The following TUSC3 variants were observed in gnomAD, a reference collection of about 807,000 sequenced individuals.
TUSC3 encodes tumor suppressor candidate 3.
In TUSC3, 45 loss-of-function variants were observed where a neutral mutation model predicts 44.8. The observed-to-expected ratio is 1.00, with a 90% CI of 0.79 to 1.29. The LOEUF (loss-of-function observed/expected upper bound fraction) is 1.29. TUSC3 is among the 50% of genes most tolerant of loss of function. TUSC3 has a pLI of 0.00. For missense variants in TUSC3, 519 were observed against 437.9 expected (o/e 1.19, Z -1.65); for synonymous variants, 212 against 152.9 (o/e 1.39, Z -2.85).
intron 1 of TUSC3, among the ~76,000 whole-genome samples, chr8:15,417,750 T>C (rs1790946989): frequency 1.3e-5 from 2 of 152,222 alleles, no homozygotes; most frequent in Non-Finnish European, 2.9e-5. Context: ...TAGGATATTC[T>C]GTGGCTAGCC....
chr8:15,738,823 CTTGCT>C (rs1811047022), intron 7 of TUSC3, among the ~76,000 whole-genome samples: 4 of 95,698 alleles, frequency 4.2e-5, no homozygotes, highest in African/African-American at 1.8e-4. Flanking sequence ...ATTAATATAT[CTTGCT>C]TTTTTTTTTT....
At chr8:15,743,666 T>A in intron 8 of TUSC3, 54 bp downstream of exon 8, 1 of 1,568,966 alleles carries the variant, frequency 6.4e-7, no homozygotes, top group Non-Finnish European at 8.8e-7. Flanking sequence ...AAGATTCATT[T>A]AAGTCAAATG....
intron 1 of TUSC3, among the ~76,000 whole-genome samples, chr8:15,437,916 A>G (rs1799970790): frequency 6.6e-6 from 1 of 152,206 alleles, no homozygotes; most frequent in African/African-American, 2.4e-5. Context: ...CTCCAACTTG[A>G]AAACATTATC....
intron 6 of TUSC3, among the ~76,000 whole-genome samples, chr8:15,700,780 C>T (rs1204997741): frequency 6.7e-6 from 1 of 149,018 alleles, no homozygotes; most frequent in Non-Finnish European, 1.5e-5. Flanking sequence ...ATGTCTCTTT[C>T]AGTGTTTGTC....
chr8:15,643,680 G>T lies in TUSC3; in HGVS notation c.309-7017G>T, dbSNP rs549680053. ...ATTCAGTCAATTACAATATGGTAGT[G>T]AACTGTTGATTTCTCAGCTCTTCAG... On this transcript the variant is annotated intron_variant, in intron 2 of 10. Transcript: ENST00000503731. 1.4e-4 allele frequency among the ~76,000 whole-genome samples: 21 copies of T among 152,220 alleles called. No individual in the cohort carries two copies. In the South Asian group the frequency reaches 1.7e-3, roughly 12 times the overall value.
intron 2 of TUSC3, among the ~76,000 whole-genome samples, chr8:15,505,404 T>C (rs1801038991): frequency 6.6e-6 from 1 of 152,278 alleles, no homozygotes; most frequent in South Asian, 2.1e-4. Flanking sequence ...GTACTATGTC[T>C]ATTCCTTTTT....
At chr8:15,473,627 C>G (rs551089895) in intron 1 of TUSC3, among the ~76,000 whole-genome samples, 26 of 152,278 alleles carry the variant, frequency 1.7e-4, no homozygotes, top group African/African-American at 5.8e-4. Flanking sequence ...GGGGTGACAT[C>G]ATATATCGGC....
intron 1 of TUSC3, among the ~76,000 whole-genome samples, chr8:15,481,550 G>T (rs889444068): frequency 1.3e-5 from 2 of 152,116 alleles, no homozygotes; most frequent in Non-Finnish European, 2.9e-5. Context: ...GCATTCCACA[G>T]AGGTATTGCA....
intron 2 of TUSC3, among the ~76,000 whole-genome samples, chr8:15,523,688 G>GTATATATATATATATATA (rs1296439729): frequency 1.2e-4 from 6 of 50,078 alleles, no homozygotes; most frequent in Non-Finnish European, 1.6e-4. Context: ...GTGTGTGTGT[G>GTATATATATATATATATA]TGTGTGTGTG....
chr8:15,847,871 A>G, the TUSC3 span, among the ~76,000 whole-genome samples: 9 of 152,136 alleles, frequency 5.9e-5, no homozygotes, highest in Non-Finnish European at 1.3e-4. Context: ...AATAAGCCTT[A>G]ATTTTTTTTA....
intron 2 of TUSC3, among the ~76,000 whole-genome samples, chr8:15,640,880 C>A (rs1352250941): frequency 6.6e-6 from 1 of 152,006 alleles, no homozygotes; most frequent in African/African-American, 2.4e-5. Context: ...CCTGGTTTTT[C>A]CTGTTAATCT....
chr8:15,481,576 C>T (rs995831462), intron 1 of TUSC3, among the ~76,000 whole-genome samples: 1 of 152,006 alleles, frequency 6.6e-6, no homozygotes, highest in South Asian at 2.1e-4. Flanking sequence ...TGTTCCAGAC[C>T]ACCGCAATAA....
chr8:15,692,796 G>A (rs1471947565), intron 6 of TUSC3, among the ~76,000 whole-genome samples: 2 of 151,944 alleles, frequency 1.3e-5, no homozygotes, highest in Non-Finnish European at 1.5e-5. Context: ...CTATTGGACT[G>A]TGTGGTTATG....
chr8:15,494,635 A>G (rs1157674264), intron 2 of TUSC3, among the ~76,000 whole-genome samples: 2 of 152,124 alleles, frequency 1.3e-5, no homozygotes, highest in African/African-American at 4.8e-5. Flanking sequence ...TCTTATCAAG[A>G]TTTCCAGCAC....
intron 7 of TUSC3, chr8:15,733,353 T>TTG (rs1364989728): frequency 2.5e-6 from 1 of 395,728 alleles, no homozygotes; most frequent in East Asian, 8.0e-5. Flanking sequence ...TTCTTTTTGT[T>TTG]TTTTTTTTTT....
At chr8:15,469,608 A>G (rs1800458073) in intron 1 of TUSC3, among the ~76,000 whole-genome samples, 1 of 152,202 alleles carries the variant, frequency 6.6e-6, no homozygotes, top group Non-Finnish European at 1.5e-5. Context: ...AAAATTAAAC[A>G]TATTCTTACC....
intron 1 of TUSC3, among the ~76,000 whole-genome samples, chr8:15,573,698 A>T (rs1263563102): frequency 1.3e-5 from 2 of 152,040 alleles, no homozygotes; most frequent in African/African-American, 4.8e-5. Flanking sequence ...CCTGCAGGAG[A>T]TACAGCTTTA....
intron 1 of TUSC3, 34 bp downstream of exon 1, chr8:15,540,602 C>G: frequency 2.0e-6 from 3 of 1,466,704 alleles, no homozygotes; most frequent in Non-Finnish European, 1.8e-6. Context: ...CCCCTGTGGG[C>G]GGGGGCGGGC....
At chr8:15,808,358 C>T in the TUSC3 span, among the ~76,000 whole-genome samples, 438 of 152,174 alleles carry the variant, frequency 2.9e-3, 1 homozygote, top group African/African-American at 9.6e-3. Context: ...CTCCAGAGCA[C>T]TAGGAGATAA....
Sources: allele counts gnomAD v4.1 joint callset (sites outside exome capture counted in the v4.1 genomes callset), GRCh38; gene constraint gnomAD v4.1.1; transcripts MANE v1.5; gene names NCBI Gene and HGNC (gene_info 2026-07-23, HGNC 2026-07-21).